RPS6KA2: variants seen among roughly 807,000 people sequenced by gnomAD.
RPS6KA2 encodes the protein ribosomal protein S6 kinase A2.
In RPS6KA2, 42 loss-of-function variants were observed where a neutral mutation model predicts 91.8. The ratio of observed to expected loss-of-function variants is 0.46; its 90% CI spans 0.36 to 0.59. The LOEUF (loss-of-function observed/expected upper bound fraction) is 0.59, where lower values mean the gene tolerates loss of function less well. Ranked by LOEUF, RPS6KA2 falls within the 20% of genes least tolerant of loss-of-function variation. RPS6KA2 has a pLI of 0.00. For synonymous variants in RPS6KA2, 414 were observed against 393.6 expected (o/e 1.05, Z -0.61); for missense variants, 798 against 978.5 (o/e 0.82, Z 2.46).
At chr6:166,540,031 C>T (rs1004838064) in intron 1 of RPS6KA2, among the ~76,000 whole-genome samples, 2 of 152,210 alleles carry the variant, frequency 1.3e-5, no homozygotes, top group Non-Finnish European at 2.9e-5. Flanking sequence ...TTCCTCATTG[C>T]TTCTTTTCAT....
At chr6:166,608,396 G>A (rs1390715632) in intron 1 of RPS6KA2, among the ~76,000 whole-genome samples, 1 of 151,982 alleles carries the variant, frequency 6.6e-6, no homozygotes, top group Non-Finnish European at 1.5e-5. Context: ...CCAATTTGGT[G>A]CTACAAAAAT....
intron 1 of RPS6KA2, among the ~76,000 whole-genome samples, chr6:166,573,278 C>T (rs1290134493): frequency 2.0e-5 from 3 of 152,224 alleles, no homozygotes; most frequent in African/African-American, 4.8e-5. Context: ...TTAGAGCTTC[C>T]AGAACCTCGT....
At chr6:166,602,626 T>C (rs1209252508) in intron 1 of RPS6KA2, among the ~76,000 whole-genome samples, 4 of 152,178 alleles carry the variant, frequency 2.6e-5, no homozygotes, top group African/African-American at 9.7e-5. Context: ...ATGACTCCAT[T>C]TATATGACAC....
chr6:166,597,255 C>T (rs1785566132), intron 1 of RPS6KA2, among the ~76,000 whole-genome samples: 1 of 152,210 alleles, frequency 6.6e-6, no homozygotes, highest in African/African-American at 2.4e-5. Flanking sequence ...GGTGGCGAGG[C>T]ACCCCGTGAG....
At chr6:166,685,826 C>G (rs972667395) in intron 2 of RPS6KA2, among the ~76,000 whole-genome samples, 6 of 152,182 alleles carry the variant, frequency 3.9e-5, no homozygotes, top group Non-Finnish European at 5.9e-5. Flanking sequence ...CCTTGCTCCC[C>G]GGCTAAGCTG....
chr6:166,679,830 G>C (rs1788732409), intron 2 of RPS6KA2, among the ~76,000 whole-genome samples: 1 of 152,236 alleles, frequency 6.6e-6, no homozygotes, highest in Non-Finnish European at 1.5e-5. Flanking sequence ...GGTGAGCGCG[G>C]CTCGGCAAGC....
intron 2 of RPS6KA2, among the ~76,000 whole-genome samples, chr6:166,742,386 G>A (rs977797979): frequency 4.6e-5 from 7 of 152,204 alleles, no homozygotes; most frequent in Non-Finnish European, 7.3e-5. Context: ...TATCCTCTCC[G>A]GTGTGGGTCT....
chr6:166,514,210 C>T (rs998068437), intron 3 of RPS6KA2, among the ~76,000 whole-genome samples: 29 of 152,232 alleles, frequency 1.9e-4, no homozygotes, highest in African/African-American at 7.0e-4. Flanking sequence ...TCCTGGCCCA[C>T]TCCTTTCCCA....
At chr6:166,842,253 G>A (rs75572681) in intron 2 of RPS6KA2, among the ~76,000 whole-genome samples, 4,285 of 152,202 alleles carry the variant, frequency 0.028, 213 homozygotes, top group African/African-American at 0.098. Flanking sequence ...CCAGTCCCTC[G>A]AAATGTGGCC....
chr6:166,426,277 A>C (rs1325376060), intron 16 of RPS6KA2, among the ~76,000 whole-genome samples: 1 of 145,484 alleles, frequency 6.9e-6, no homozygotes, highest in African/African-American at 2.6e-5. Context: ...ACAACATACC[A>C]GAATCTCTGG....
At chr6:166,461,517 AGATGGG>A (rs368669093) in intron 11 of RPS6KA2, among the ~76,000 whole-genome samples, 1 of 60,568 alleles carries the variant, frequency 1.7e-5, no homozygotes, top group Non-Finnish European at 3.2e-5. Flanking sequence ...AGAGAGAGAG[AGATGGG>A]GAGAGATGGG....
At chr6:166,717,840 T>C (rs2128583165) in intron 2 of RPS6KA2, among the ~76,000 whole-genome samples, 1 of 150,026 alleles carries the variant, frequency 6.7e-6, no homozygotes, top group Non-Finnish European at 1.5e-5. Context: ...TTTTTCTTTT[T>C]TCTTCTTTTC....
rs1028632989 is a variant in RPS6KA2, at chr6:166,413,808, C to T, written c.2062G>A (p.Val688Met). Residue 688 changes from valine (V) to methionine (M), a missense_variant, in exon 20 of 21, where the codon GTG becomes ATG. Physicochemically the swap from Val to Met is conservative, Grantham distance 21 (BLOSUM62 1). Coordinates refer to ENST00000265678, the MANE Select transcript of RPS6KA2 (RefSeq NM_021135.6). ...CCTGCCGGTACCTTCACCAGGTGCA[C>T]GTCCTGTCGGCTGAGCTGGTTTGGG... ...LSPNQLSRQD[V>M]HLVKGAMAAT... 11 of 1,614,066 alleles carry T rather than the reference C, an allele frequency of 6.8e-6. No individual in the cohort carries two copies. The highest frequency in any genetic ancestry group is 1.3e-5 in the African/African-American group (1 of 74,950).
intron 2 of RPS6KA2, among the ~76,000 whole-genome samples, chr6:166,652,837 C>G (rs1197588965): frequency 6.6e-6 from 1 of 152,154 alleles, no homozygotes; most frequent in Non-Finnish European, 1.5e-5. Context: ...AGCAGGCAAG[C>G]ACTATAATTA....
chr6:166,531,221 G>A lies in RPS6KA2; in HGVS notation c.298+11C>T, dbSNP rs757573833. 29 of 1,607,316 alleles carry A rather than the reference G, an allele frequency of 1.8e-5. 1 individual carries two copies. The highest frequency in any genetic ancestry group is 1.7e-4 in the Middle Eastern group (1 of 6,038). On this transcript the variant is annotated intron_variant, in intron 3 of 20. Coordinates refer to ENST00000265678, the MANE Select transcript of RPS6KA2 (RefSeq NM_021135.6). ...TGTCTCTGAAGCAGCCGGCCCTTCCGAAGCTCTTACCTTTTAGGGTGGCTT... is the reference window on the plus strand; with the variant it reads ...TGTCTCTGAAGCAGCCGGCCCTTCCAAAGCTCTTACCTTTTAGGGTGGCTT...
At chr6:166,667,512 T>C (rs1340482867) in intron 2 of RPS6KA2, among the ~76,000 whole-genome samples, 2 of 152,216 alleles carry the variant, frequency 1.3e-5, no homozygotes, top group African/African-American at 4.8e-5. Flanking sequence ...TAAATCCTTC[T>C]AATGTCGCCA....
chr6:166,451,337 G>A, intron 12 of RPS6KA2, 104 bp from the exon 13 acceptor site: 1 of 1,069,756 alleles, frequency 9.3e-7, no homozygotes, highest in African/African-American at 1.6e-5. Context: ...AAGTCCGTGT[G>A]TGTGTGTGTG....
At chr6:166,835,339 T>A (rs1181290899) in intron 2 of RPS6KA2, among the ~76,000 whole-genome samples, 1 of 152,240 alleles carries the variant, frequency 6.6e-6, no homozygotes, top group Non-Finnish European at 1.5e-5. Context: ...AGATTTTGAT[T>A]GGTGTTGCAT....
intron 2 of RPS6KA2, chr6:166,702,879 C>G (rs889152488): frequency 2.3e-6 from 2 of 865,238 alleles, no homozygotes; most frequent in Non-Finnish European, 3.7e-6. Flanking sequence ...ATGAGAAAAA[C>G]GAAAATTAAA....
Sources: allele counts gnomAD v4.1 joint callset (sites outside exome capture counted in the v4.1 genomes callset), GRCh38; gene constraint gnomAD v4.1.1; transcripts MANE v1.5; gene names NCBI Gene and HGNC (gene_info 2026-07-23, HGNC 2026-07-21).